The following ERH variants were observed in gnomAD, a reference collection of about 807,000 sequenced individuals.
ERH encodes the protein enhancer of rudimentary homolog.
In ERH, 1 loss-of-function variant was observed where a neutral mutation model predicts 16.8. The ratio of observed to expected loss-of-function variants is 0.06; its 90% CI spans 0.02 to 0.28. The LOEUF (loss-of-function observed/expected upper bound fraction) is 0.28, where lower values mean the gene tolerates loss of function less well. ERH is among the 10% of genes least tolerant of loss of function. The pLI, the probability that ERH is intolerant of heterozygous loss-of-function variation, is 1.00. For missense variants in ERH, 42 were observed against 127.5 expected (o/e 0.33, Z 3.23); for synonymous variants, 43 against 43.6 (o/e 0.99, Z 0.05).
In ERH at chr14:69,394,929, G is replaced by C; in HGVS notation, c.4-17C>G. ...GGTGTGAGACTGCAGGGGAAAACAT[G>C]ATTTCAATATAAGTTTCTATTTGAG... is the stretch of plus-strand genomic sequence containing the variant. On this transcript the variant is annotated splice_polypyrimidine_tract_variant and intron_variant, in intron 1 of 3. Coordinates refer to ENST00000557016, the MANE Select transcript of ERH (RefSeq NM_004450.3). 6.4e-7 allele frequency: 1 copy of C among 1,551,268 alleles called. No individual in the cohort carries two copies. The highest frequency in any genetic ancestry group is 8.9e-7 in the Non-Finnish European group (1 of 1,129,146).
Position 69,380,625 on chromosome 14 carries a change from G to C in ERH, c.228C>G (p.Thr76=). Residue 76 remains threonine (T), a synonymous_variant, in exon 4 of 4, where the codon ACC becomes ACG. Coordinates refer to ENST00000557016, the MANE Select transcript of ERH (RefSeq NM_004450.3). ...CTTTGTTATAAGGCTGGTATGTCTG[G>C]GTATCAGCTCGGTAACTGAGGAGAG... The part of the protein sequence containing the change: ...DLSCLVYRAD[T]QTYQPYNKDW... The C allele has an allele frequency of 6.2e-7, 1 of 1,608,378 alleles. No individual in the cohort carries two copies. The highest frequency in any genetic ancestry group is 1.7e-5 in the Admixed American group (1 of 59,800).
In ERH at chr14:69,380,179, T is replaced by C. The variant is rs540066621; in HGVS notation, c.*359A>G. On this transcript the variant is annotated 3_prime_UTR_variant, in exon 4 of 4. Coordinates refer to ENST00000557016, the MANE Select transcript of ERH (RefSeq NM_004450.3). ...TTACCAAGACTTTATCTTGAGGACA[T>C]GGCTAAACTGCATTTCCACCCCCCA... is the stretch of plus-strand genomic sequence containing the variant. 1 of 176,960 alleles carries C rather than the reference T, an allele frequency of 5.7e-6. No homozygotes were observed. The highest frequency in any genetic ancestry group is 2.4e-5 in the African/African-American group (1 of 42,360). The allele number at this position is 176,960 out of a possible 1,614,324, so 11.0% of individuals were successfully genotyped here.
At chr14:69,392,768 GA>G (rs1355426391) in intron 2 of ERH, among the ~76,000 whole-genome samples, 3 of 152,192 alleles carry the variant, frequency 2.0e-5, no homozygotes, top group Non-Finnish European at 4.4e-5. Flanking sequence ...AATAATAGGG[GA>G]AATTGTGTAG....
Position 69,383,635 on chromosome 14 carries a change from A to G in ERH, c.213-2995T>C, listed in dbSNP as rs532981221. Among the ~76,000 whole-genome samples the G allele has an allele frequency of 4.6e-5, 7 of 152,342 alleles. No homozygotes were observed. The East Asian group carries it at 1.3e-3, about 29-fold the overall frequency. ...ACATTAGAAACAAACAAATAGTTAC[A>G]GGTTTTCAAGCTATGATAATTTACG... On this transcript the variant is annotated intron_variant, in intron 3 of 3. Transcript: ENST00000557016.
chr14:69,386,863 G>A, intron 3 of ERH, 100 bp downstream of exon 3: 3 of 1,090,888 alleles, frequency 2.8e-6, no homozygotes, highest in Non-Finnish European at 4.0e-6. Flanking sequence ...GCAAAGATCA[G>A]TATCAGGCAC....
intron 1 of ERH, 86 bp downstream of exon 1, chr14:69,398,144 GC>G: frequency 2.0e-6 from 3 of 1,490,998 alleles, no homozygotes; most frequent in Non-Finnish European, 2.8e-6. Context: ...GCTGCATGGG[GC>G]TCGTGGGGAG....
intron 2 of ERH, among the ~76,000 whole-genome samples, chr14:69,391,202 A>G (rs1375932216): frequency 6.6e-6 from 1 of 152,240 alleles, no homozygotes; most frequent in Non-Finnish European, 1.5e-5. Flanking sequence ...CTTTATTCAT[A>G]ATTGCCAAAA....
chr14:69,394,063 A>G (rs984560582), intron 2 of ERH, among the ~76,000 whole-genome samples: 4 of 152,184 alleles, frequency 2.6e-5, no homozygotes, highest in Non-Finnish European at 5.9e-5. Context: ...ACTATGCCAT[A>G]TATCTATATA....
chr14:69,394,907 G>A lies in ERH; in HGVS notation c.9C>T (p.His3=), dbSNP rs754254136. ...TGGTAGGCTGTACCAGCAAAATGGT[G>A]TGAGACTGCAGGGGAAAACATGATT... MS[H]TILLVQPTKR... The change falls in exon 2 of 4, where the codon CAC becomes CAT. Residue 3 remains histidine (H), a synonymous_variant. Transcript: ENST00000557016. The A allele has an allele frequency of 1.2e-6, 2 of 1,609,512 alleles. No individual in the cohort carries two copies. The highest frequency in any genetic ancestry group is 2.2e-5 in the East Asian group (1 of 44,856).
rs34457663 is a variant in ERH at position 69,388,043 on chromosome 14, T to TCAAA, written c.92-964_92-961dup. On this transcript the variant is annotated intron_variant, in intron 2 of 3. Transcript: ENST00000557016. ...CCGGGTGACAGAGCAAGACTCTGTCTCAAACAAACAAACAAACAAAAAATC... is the reference window on the plus strand; with the variant it reads ...CCGGGTGACAGAGCAAGACTCTGTCTCAAACAAACAAACAAACAAACAAAAAATC... 1.3e-3 allele frequency among the ~76,000 whole-genome samples: 199 copies of TCAAA among 152,184 alleles called. 2 individuals are homozygous for TCAAA. The highest frequency in any genetic ancestry group is 4.5e-3 in the African/African-American group (186 of 41,514).
At chr14:69,391,701 C>T (rs977365614) in intron 2 of ERH, among the ~76,000 whole-genome samples, 1 of 134,404 alleles carries the variant, frequency 7.4e-6, no homozygotes. Context: ...TAGGTTAAAG[C>T]AGCCAGTCTG....
At chr14:69,385,997 C>G (rs982730980) in intron 3 of ERH, among the ~76,000 whole-genome samples, 1 of 152,244 alleles carries the variant, frequency 6.6e-6, no homozygotes, top group African/African-American at 2.4e-5. Context: ...TTCAGGACTT[C>G]TACACTAGCT....
intron 1 of ERH, among the ~76,000 whole-genome samples, chr14:69,396,654 T>C (rs759345274): frequency 6.6e-6 from 1 of 152,228 alleles, no homozygotes; most frequent in Non-Finnish European, 1.5e-5. Flanking sequence ...ACATTTAACA[T>C]GACATGCAAA....
At chr14:69,393,828 C>G (rs1048357723) in intron 2 of ERH, among the ~76,000 whole-genome samples, 2 of 152,114 alleles carry the variant, frequency 1.3e-5, no homozygotes, top group Non-Finnish European at 2.9e-5. Context: ...CTGAGACCAA[C>G]ATGTGCAACA....
At chr14:69,395,400 T>C (rs1249551657) in intron 1 of ERH, among the ~76,000 whole-genome samples, 5 of 152,108 alleles carry the variant, frequency 3.3e-5, no homozygotes, top group African/African-American at 1.2e-4. Context: ...ACGGTCTCCC[T>C]AAGTCTCCCA....
In ERH at chr14:69,398,262, T is replaced by G; in HGVS notation, c.-29A>C. 1 of 1,613,354 alleles carries G rather than the reference T, an allele frequency of 6.2e-7. No individual in the cohort carries two copies. Among genetic ancestry groups the G allele is most frequent in the Non-Finnish European group, 8.5e-7 (1 of 1,179,880 alleles). On this transcript the variant is annotated 5_prime_UTR_variant, in exon 1 of 4. Coordinates refer to ENST00000557016, the MANE Select transcript of ERH (RefSeq NM_004450.3). ...GCCAAACTCTCTTCGCTACAGCAGC[T>G]GCCGACACCGCCGCCGTTACACGAG... is the stretch of plus-strand genomic sequence containing the variant.
chr14:69,380,637 G>A lies in ERH; in HGVS notation c.216C>T (p.Tyr72=), dbSNP rs767953221. The change falls in exon 4 of 4, where the codon TAC becomes TAT. Residue 72 remains tyrosine (Y), a synonymous_variant. Coordinates refer to ENST00000557016, the MANE Select transcript of ERH (RefSeq NM_004450.3). ...GCTGGTATGTCTGGGTATCAGCTCGGTAACTGAGGAGAGAAAGGGAATAAG... is the reference window on the plus strand; with the variant it reads ...GCTGGTATGTCTGGGTATCAGCTCGATAACTGAGGAGAGAAAGGGAATAAG... The part of the protein sequence containing the change: ...DDLADLSCLV[Y]RADTQTYQPY... 3.8e-6 allele frequency: 6 copies of A among 1,593,760 alleles called. No homozygotes were observed. The South Asian group carries it at 6.7e-5, about 18-fold the overall frequency.
intron 1 of ERH, among the ~76,000 whole-genome samples, chr14:69,397,108 CAA>C (rs1183087508): frequency 6.6e-6 from 1 of 152,108 alleles, no homozygotes; most frequent in Non-Finnish European, 1.5e-5. Flanking sequence ...GAACACCGGG[CAA>C]AGTTTACTAT....
intron 2 of ERH, among the ~76,000 whole-genome samples, chr14:69,391,728 C>T (rs1298307268): frequency 6.7e-6 from 1 of 149,680 alleles, no homozygotes; most frequent in African/African-American, 2.5e-5. Context: ...CTTCATACTC[C>T]GTAACTCTAA....
Sources: gnomAD v4.1 joint callset for allele counts (sites outside exome capture counted in the v4.1 genomes callset) on GRCh38, gnomAD v4.1.1 for gene constraint, MANE v1.5 for transcripts, NCBI Gene and HGNC (gene_info 2026-07-23, HGNC 2026-07-21) for gene names.